The following PCDHB4 variants were observed in gnomAD, a reference collection of about 807,000 sequenced individuals.
The protein encoded by PCDHB4 is protocadherin beta-4.
For synonymous variants in PCDHB4, 482 were observed against 447.3 expected (o/e 1.08, Z -0.98); for missense variants, 1,063 against 1,007.0 (o/e 1.06, Z -0.75).
At position 141,123,820 on chromosome 5, in the gene PCDHB4, G is replaced by A. The variant is rs1554274634; in HGVS notation, c.1822G>A (p.Ala608Thr). ...NAWLSYQLLK[A>T]TEPGLFGVWA... is the part of the protein sequence containing the mutation. The stretch of plus-strand genomic sequence containing the variant: ...CTGGCTGTCGTACCAGCTGCTCAAG[G>A]CCACGGAGCCTGGGCTGTTCGGCGT... The change falls in exon 1 of 1, where the codon GCC becomes ACC. Residue 608 changes from alanine to threonine, a missense_variant. Ala to Thr is a moderately conservative substitution (Grantham distance 58). Transcript: ENST00000194152. 5.6e-6 allele frequency: 9 copies of A among 1,609,650 alleles called. No individual in the cohort carries two copies. The highest frequency in any genetic ancestry group is 2.2e-5 in the East Asian group (1 of 44,872).
chr5:141,122,031 G>A lies in PCDHB4; in HGVS notation c.33G>A (p.Arg11=). MKKLGRIHPN[R]QVLAFILMVF... is the part of the protein sequence containing the mutation. The stretch of plus-strand genomic sequence containing the variant: ...AGCTAGGGAGAATTCATCCAAACAG[G>A]CAAGTGTTGGCCTTTATTTTGATGG... The change falls in exon 1 of 1, where the codon AGG becomes AGA. Residue 11 remains arginine (R), a synonymous_variant. Coordinates refer to ENST00000194152, the MANE Select transcript of PCDHB4 (RefSeq NM_018938.4). 1 of 1,609,878 alleles carries A rather than the reference G, an allele frequency of 6.2e-7. No homozygotes were observed. The highest frequency in any genetic ancestry group is 8.5e-7 in the Non-Finnish European group (1 of 1,177,850).
chr5:141,122,815 T>C lies in PCDHB4; in HGVS notation c.817T>C (p.Phe273Leu), dbSNP rs1752316744. Residue 273 changes from phenylalanine (F) to leucine (L), a missense_variant, in exon 1 of 1, where the codon TTC (phenylalanine) becomes CTC (leucine). Transcript: ENST00000194152. ...VLARDIDAGN[F>L]GSVSYGLFQA... is the part of the protein sequence containing the mutation. ...AGCTAGAGATATAGATGCTGGAAAC[T>C]TCGGGAGTGTTTCTTATGGCTTATT... 6.2e-7 allele frequency: 1 copy of C among 1,613,964 alleles called. No individual in the cohort carries two copies. Among genetic ancestry groups the C allele is most frequent in the Non-Finnish European group, 8.5e-7 (1 of 1,179,974 alleles).
Position 141,122,745 on chromosome 5 carries a change from G to C in PCDHB4, c.747G>C (p.Gln249His). 1 of 1,614,036 alleles carries C rather than the reference G, an allele frequency of 6.2e-7. No homozygotes were observed. The highest frequency in any genetic ancestry group is 8.5e-7 in the Non-Finnish European group (1 of 1,179,926). The change falls in exon 1 of 1, where the codon CAG (glutamine) becomes CAC (histidine). Residue 249 changes from glutamine to histidine, a missense_variant. Physicochemically the swap from Gln to His is conservative, Grantham distance 24. Transcript: ENST00000194152. The stretch of plus-strand genomic sequence containing the variant: ...TTGTGCACACTCCATATGGGGTGCA[G>C]GTCCTGGAAAACAGCCCCCTAGACT... ...PEFVHTPYGV[Q>H]VLENSPLDSP...
chr5:141,123,942 GC>G lies in PCDHB4; in HGVS notation c.1946del (p.Pro649LeufsTer90), dbSNP rs782054577. On this transcript the variant is annotated frameshift_variant, in exon 1 of 1. Transcript: ENST00000194152. LOFTEE classifies it low-confidence loss of function (END_TRUNC). Reference sequence around the variant, plus strand: ...TGGTGCTTGTCAAGGACAATGGCGAGCCTCCGCGCTCGGCCACCGCCACGCT... The same window carrying G: ...TGGTGCTTGTCAAGGACAATGGCGAGCTCCGCGCTCGGCCACCGCCACGCT... ...LVVLVKDNGE[P>X]PRSATATLHV... The G allele has an allele frequency of 3.7e-6, 6 of 1,604,678 alleles. No individual in the cohort carries two copies. The East Asian group carries it at 1.3e-4, about 36-fold the overall frequency.
At position 141,122,600 on chromosome 5, in the gene PCDHB4, G is replaced by T. The variant is rs782605232; in HGVS notation, c.602G>T (p.Arg201Leu). 8 of 1,614,084 alleles carry T rather than the reference G, an allele frequency of 5.0e-6. No individual in the cohort carries two copies. The highest frequency in any genetic ancestry group is 6.8e-6 in the Non-Finnish European group (8 of 1,180,038). Reference protein sequence around the residue: ...PDLVQDKPLDREEQPEFSLTL... With the variant: ...PDLVQDKPLDLEEQPEFSLTL... Reference sequence around the variant, plus strand: ...TTGGTGCAGGACAAACCACTGGATCGAGAGGAGCAGCCTGAGTTCAGCTTA... The same window carrying T: ...TTGGTGCAGGACAAACCACTGGATCTAGAGGAGCAGCCTGAGTTCAGCTTA... The change falls in exon 1 of 1, where the codon CGA becomes CTA. Residue 201 changes from arginine to leucine, a missense_variant. Arg to Leu is a moderately radical substitution (Grantham distance 102). Coordinates refer to ENST00000194152, the MANE Select transcript of PCDHB4 (RefSeq NM_018938.4).
rs781895997 is a variant in PCDHB4 at position 141,124,046 on chromosome 5, ACT to A, written c.2054_2055del (p.Leu685HisfsTer77). The A allele has an allele frequency of 1.9e-6, 3 of 1,603,622 alleles. No homozygotes were observed. The highest frequency in any genetic ancestry group is 2.2e-5 in the East Asian group (1 of 44,700). On this transcript the variant is annotated frameshift_variant, in exon 1 of 1. Coordinates refer to ENST00000194152, the MANE Select transcript of PCDHB4 (RefSeq NM_018938.4). LOFTEE classifies it low-confidence loss of function (END_TRUNC). ...GCGGCCCCGGCCCAGGCCCAGGCCG[ACT>A]CTCTCACCGTCTACCTGGTGGTGGC...
chr5:141,124,251 GGT>G lies in PCDHB4; in HGVS notation c.2258_2259del (p.Cys753SerfsTer9), dbSNP rs1563860487. On this transcript the variant is annotated frameshift_variant, in exon 1 of 1. Coordinates refer to ENST00000194152, the MANE Select transcript of PCDHB4 (RefSeq NM_018938.4). LOFTEE classifies it low-confidence loss of function (END_TRUNC). ...GTLSQSYQYE[V>X]CLTGDSGTGE... ...CCCTGTCCCAGAGCTACCAGTACGAGGTGTGTCTGACAGGAGACTCTGGGACT... is the reference window on the plus strand; with the variant it reads ...CCCTGTCCCAGAGCTACCAGTACGAGGTGTCTGACAGGAGACTCTGGGACT... The G allele has an allele frequency of 1.9e-6, 3 of 1,614,206 alleles. No homozygotes were observed. The highest frequency in any genetic ancestry group is 2.5e-6 in the Non-Finnish European group (3 of 1,180,034).
In PCDHB4 at chr5:141,122,841, C is replaced by T. The variant is rs1752317347; in HGVS notation, c.843C>T (p.Phe281=). The change falls in exon 1 of 1, where the codon TTC becomes TTT. Residue 281 remains phenylalanine, a synonymous_variant. Transcript: ENST00000194152. ...GNFGSVSYGL[F]QASDEIKQTF... ...TCGGGAGTGTTTCTTATGGCTTATT[C>T]CAAGCATCAGATGAAATTAAACAAA... 1.2e-6 allele frequency: 2 copies of T among 1,613,552 alleles called. No individual in the cohort carries two copies. Among genetic ancestry groups the T allele is most frequent in the Non-Finnish European group, 1.7e-6 (2 of 1,179,720 alleles).
rs1752298383 is a variant in PCDHB4, at chr5:141,122,213, A to G, written c.215A>G (p.Gln72Arg). The part of the protein sequence containing the change: ...SARVLSDDDK[Q>R]RLQLDRQTGD... Reference sequence around the variant, plus strand: ...CGGGTGCTGTCTGACGATGACAAGCAGCGTTTGCAGCTGGATCGTCAGACT... The same window carrying G: ...CGGGTGCTGTCTGACGATGACAAGCGGCGTTTGCAGCTGGATCGTCAGACT... The change falls in exon 1 of 1, where the codon CAG (glutamine) becomes CGG (arginine). Residue 72 changes from glutamine to arginine, a missense_variant. Coordinates refer to ENST00000194152, the MANE Select transcript of PCDHB4 (RefSeq NM_018938.4). The G allele has an allele frequency of 6.2e-7, 1 of 1,614,058 alleles. No homozygotes were observed. The highest frequency in any genetic ancestry group is 1.3e-5 in the African/African-American group (1 of 74,936).
Position 141,123,954 on chromosome 5 carries a change from G to A in PCDHB4, c.1956G>A (p.Ser652=), listed in dbSNP as rs782321086. The change falls in exon 1 of 1, where the codon TCG becomes TCA. Residue 652 remains serine (S), a synonymous_variant. Coordinates refer to ENST00000194152, the MANE Select transcript of PCDHB4 (RefSeq NM_018938.4). ...AGGACAATGGCGAGCCTCCGCGCTC[G>A]GCCACCGCCACGCTGCACGTGCTCC... ...LVKDNGEPPR[S]ATATLHVLLV... is the part of the protein sequence containing the mutation. 6.2e-7 allele frequency: 1 copy of A among 1,604,246 alleles called. No individual in the cohort carries two copies. The highest frequency in any genetic ancestry group is 8.5e-7 in the Non-Finnish European group (1 of 1,179,706).
Position 141,123,905 on chromosome 5 carries a change from A to C in PCDHB4, c.1907A>C (p.Lys636Thr), listed in dbSNP as rs782224949. The C allele has an allele frequency of 6.2e-7, 1 of 1,606,528 alleles. No homozygotes were observed. The highest frequency in any genetic ancestry group is 2.2e-5 in the East Asian group (1 of 44,878). The change falls in exon 1 of 1, where the codon AAG becomes ACG. Residue 636 changes from lysine (K) to threonine (T), a missense_variant. Coordinates refer to ENST00000194152, the MANE Select transcript of PCDHB4 (RefSeq NM_018938.4). Reference sequence around the variant, plus strand: ...CTGCTGAGCGAGCGCGACGCAGCCAAGCACAGGCTCGTGGTGCTTGTCAAG... The same window carrying C: ...CTGCTGAGCGAGCGCGACGCAGCCACGCACAGGCTCGTGGTGCTTGTCAAG... ...ARLLSERDAA[K>T]HRLVVLVKDN... is the part of the protein sequence containing the mutation.
chr5:141,123,160 C>A lies in PCDHB4; in HGVS notation c.1162C>A (p.Leu388Ile). The A allele has an allele frequency of 6.2e-7, 1 of 1,614,136 alleles. No individual in the cohort carries two copies. Reference sequence around the variant, plus strand: ...GATGATTTGCTCTATTCCAGATAATCTACCGTTTATTCTAAAACCAACTTT... The same window carrying A: ...GATGATTTGCTCTATTCCAGATAATATACCGTTTATTCTAAAACCAACTTT... ...GKMICSIPDNLPFILKPTLKN... is the reference protein window; with the variant it reads ...GKMICSIPDNIPFILKPTLKN... The change falls in exon 1 of 1, where the codon CTA becomes ATA. Residue 388 changes from leucine to isoleucine, a missense_variant. Leu to Ile is a conservative substitution (Grantham distance 5). Coordinates refer to ENST00000194152, the MANE Select transcript of PCDHB4 (RefSeq NM_018938.4).
rs1554274361 is a variant in PCDHB4 at position 141,122,507 on chromosome 5, C to T, written c.509C>T (p.Thr170Ile). The T allele has an allele frequency of 1.2e-6, 2 of 1,614,220 alleles. No homozygotes were observed. The highest frequency in any genetic ancestry group is 4.5e-5 in the East Asian group (2 of 44,880). The stretch of plus-strand genomic sequence containing the variant: ...GGCAGCAATGGTCTTCAAAAATACA[C>T]AATCAGCCCCAATTCTCATTTTCAC... Reference protein sequence around the residue: ...DVGSNGLQKYTISPNSHFHIL... With the variant: ...DVGSNGLQKYIISPNSHFHIL... The change falls in exon 1 of 1, where the codon ACA (threonine) becomes ATA (isoleucine). Residue 170 changes from threonine (T) to isoleucine (I), a missense_variant. Transcript: ENST00000194152.
Position 141,122,854 on chromosome 5 carries a change from G to T in PCDHB4, c.856G>T (p.Glu286Ter), listed in dbSNP as rs782310082. 1.2e-6 allele frequency: 2 copies of T among 1,613,948 alleles called. No homozygotes were observed. The highest frequency in any genetic ancestry group is 2.2e-5 in the South Asian group (2 of 91,050). The change falls in exon 1 of 1, where the codon GAA (glutamate) becomes TAA (stop). Residue 286 changes from glutamate (E) to a stop codon, truncating the protein, a stop_gained. Coordinates refer to ENST00000194152, the MANE Select transcript of PCDHB4 (RefSeq NM_018938.4). LOFTEE classifies it low-confidence loss of function (END_TRUNC). ...TTATGGCTTATTCCAAGCATCAGATGAAATTAAACAAACTTTCTCAATAAA... is the reference window on the plus strand; with the variant it reads ...TTATGGCTTATTCCAAGCATCAGATTAAATTAAACAAACTTTCTCAATAAA... ...VSYGLFQASD[E>*]IKQTFSINEV...
At position 141,123,972 on chromosome 5, in the gene PCDHB4, C is replaced by A; in HGVS notation, c.1974C>A (p.His658Gln). ...EPPRSATATL[H>Q]VLLVDGFSQP... is the part of the protein sequence containing the mutation. Reference sequence around the variant, plus strand: ...CGCGCTCGGCCACCGCCACGCTGCACGTGCTCCTGGTGGATGGCTTCTCCC... The same window carrying A: ...CGCGCTCGGCCACCGCCACGCTGCAAGTGCTCCTGGTGGATGGCTTCTCCC... The change falls in exon 1 of 1, where the codon CAC becomes CAA. Residue 658 changes from histidine to glutamine, a missense_variant. His to Gln is a conservative substitution (Grantham distance 24, BLOSUM62 0). Coordinates refer to ENST00000194152, the MANE Select transcript of PCDHB4 (RefSeq NM_018938.4). The A allele has an allele frequency of 3.7e-6, 6 of 1,604,488 alleles. No individual in the cohort carries two copies. The highest frequency in any genetic ancestry group is 2.2e-4 in the Middle Eastern group (1 of 4,550).
At position 141,122,572 on chromosome 5, in the gene PCDHB4, G is replaced by A. The variant is rs146870969; in HGVS notation, c.574G>A (p.Asp192Asn). The part of the protein sequence containing the change: ...RNHSEGKKYP[D>N]LVQDKPLDRE... ...TCATAGTGAGGGCAAGAAATACCCA[G>A]ATTTGGTGCAGGACAAACCACTGGA... Residue 192 changes from aspartate to asparagine, a missense_variant, in exon 1 of 1, where the codon GAT (aspartate) becomes AAT (asparagine). Coordinates refer to ENST00000194152, the MANE Select transcript of PCDHB4 (RefSeq NM_018938.4). 1 of 1,614,232 alleles carries A rather than the reference G, an allele frequency of 6.2e-7. No individual in the cohort carries two copies. Among genetic ancestry groups the A allele is most frequent in the Admixed American group, 1.7e-5 (1 of 60,030 alleles).
rs1428281893 is a variant in PCDHB4, at chr5:141,121,835, C to CAA, written c.-163_-162dup. ...TCAAAAACACACGGAAGAAGCGTTA[C>CAA]AAGCAGTGCAGGTTTACCAACGGCT... On this transcript the variant is annotated 5_prime_UTR_variant, in exon 1 of 1. Transcript: ENST00000194152. 3.6e-6 allele frequency: 2 copies of CAA among 558,192 alleles called. No individual in the cohort carries two copies. Among genetic ancestry groups the CAA allele is most frequent in the Non-Finnish European group, 6.4e-6 (2 of 314,142 alleles). The allele number at this position is 558,192 out of a possible 1,614,324, so 34.6% of individuals were successfully genotyped here. A position where few individuals can be genotyped will look rare whatever the true frequency, so the allele number is the denominator to read the frequency against.
At position 141,122,599 on chromosome 5, in the gene PCDHB4, C is replaced by T. The variant is rs544068787; in HGVS notation, c.601C>T (p.Arg201Ter). 2.5e-6 allele frequency: 4 copies of T among 1,614,174 alleles called. No individual in the cohort carries two copies. The highest frequency in any genetic ancestry group is 3.3e-4 in the Middle Eastern group (2 of 6,060). ...TTTGGTGCAGGACAAACCACTGGAT[C>T]GAGAGGAGCAGCCTGAGTTCAGCTT... is the stretch of plus-strand genomic sequence containing the variant. ...PDLVQDKPLD[R>*]EEQPEFSLTL... The change falls in exon 1 of 1, where the codon CGA (arginine) becomes TGA (stop). Residue 201 changes from arginine to a stop codon, truncating the protein, a stop_gained. Coordinates refer to ENST00000194152, the MANE Select transcript of PCDHB4 (RefSeq NM_018938.4). LOFTEE classifies it low-confidence loss of function (END_TRUNC).
At position 141,122,959 on chromosome 5, in the gene PCDHB4, A is replaced by G. The variant is rs1554274448; in HGVS notation, c.961A>G (p.Thr321Ala). 1 of 1,612,686 alleles carries G rather than the reference A, an allele frequency of 6.2e-7. No individual in the cohort carries two copies. Among genetic ancestry groups the G allele is most frequent in the Non-Finnish European group, 8.5e-7 (1 of 1,179,556 alleles). The change falls in exon 1 of 1, where the codon ACA (threonine) becomes GCA (alanine). Residue 321 changes from threonine to alanine, a missense_variant. By Grantham distance (58) the Thr-to-Ala change is moderately conservative. Transcript: ENST00000194152. ...ATCTTACCATGTAGAAATTGAGGCC[A>G]CAGATGGAGGAGGCCTTTCTGGAAA... Reference protein sequence around the residue: ...IKSYHVEIEATDGGGLSGKGT... With the variant: ...IKSYHVEIEAADGGGLSGKGT...
Sources: gnomAD v4.1 joint callset for allele counts on GRCh38, gnomAD v4.1.1 for gene constraint, MANE v1.5 for transcripts, NCBI Gene and HGNC (gene_info 2026-07-23, HGNC 2026-07-21) for gene names.